The following EXT2 variants were observed in gnomAD, a reference collection of about 807,000 sequenced individuals.
EXT2 encodes exostosin-2.
EXT2 carries 53 observed loss-of-function variants against 81.6 expected under a neutral mutation model. The ratio of observed to expected loss-of-function variants is 0.65; its 90% CI spans 0.52 to 0.82. The LOEUF is 0.82. EXT2 is among the 40% of genes least tolerant of loss of function. The pLI is 0.00. For synonymous variants in EXT2, 320 were observed against 340.0 expected (o/e 0.94, Z 0.65); for missense variants, 774 against 910.2 (o/e 0.85, Z 1.93).
At position 44,198,010 on chromosome 11, in the gene EXT2, CTCCAGAAGGTAAGAAGCCT is replaced by C. The variant is rs1565231185; in HGVS notation, c.1489_1495+12del. On this transcript the variant is annotated splice_donor_variant and splice_donor_5th_base_variant and coding_sequence_variant and intron_variant, in exon 9 of 14. Transcript: ENST00000533608. LOFTEE classifies it high-confidence loss of function. ...GTCTGGAATAATCAGAATAAAAACC[CTCCAGAAGGTAAGAAGCCT>C]TAGTGCCTCTCTCAGCTGGATCAAT... 7 of 1,613,954 alleles carry C rather than the reference CTCCAGAAGGTAAGAAGCCT, an allele frequency of 4.3e-6. No individual in the cohort carries two copies. The African/African-American group carries it at 5.3e-5, about 12-fold the overall frequency.
chr11:44,102,589 A>G (rs1311600627), intron 1 of EXT2, among the ~76,000 whole-genome samples: 1 of 132,268 alleles, frequency 7.6e-6, no homozygotes, highest in Non-Finnish European at 1.5e-5. Flanking sequence ...GAGTCAAACT[A>G]TGACAGGTAG....
At chr11:44,147,177 T>G (rs1954729860) in intron 7 of EXT2, among the ~76,000 whole-genome samples, 1 of 152,238 alleles carries the variant, frequency 6.6e-6, no homozygotes, top group South Asian at 2.1e-4. Flanking sequence ...GCCAGGTTGA[T>G]GGAGTGTTAA....
chr11:44,210,183 A>T lies in EXT2; in HGVS notation c.1662+3224A>T, dbSNP rs557199149. ...AATGACAACAAAAGTCTGCACAAAT[A>T]TTTGTACGCTAACATTCAAAGCAGC... On this transcript the variant is annotated intron_variant, in intron 10 of 13. Transcript: ENST00000533608. Among the ~76,000 whole-genome samples the T allele has an allele frequency of 1.5e-3, 221 of 152,330 alleles. 7 individuals are homozygous for T. The South Asian group carries it at 0.043, about 30-fold the overall frequency.
intron 1 of EXT2, among the ~76,000 whole-genome samples, chr11:44,096,643 A>C (rs1590533687): frequency 6.6e-6 from 1 of 152,224 alleles, no homozygotes; most frequent in East Asian, 1.9e-4. Flanking sequence ...CTAGGTGGCC[A>C]GAAGCACACT....
At chr11:44,175,262 C>T (rs78994176) in intron 8 of EXT2, among the ~76,000 whole-genome samples, 1,991 of 152,188 alleles carry the variant, frequency 0.013, 48 homozygotes, top group African/African-American at 0.046. Flanking sequence ...GTATACTGTA[C>T]GGTTTATCCA....
At chr11:44,131,435 C>A (rs1954491260) in intron 7 of EXT2, among the ~76,000 whole-genome samples, 1 of 152,120 alleles carries the variant, frequency 6.6e-6, no homozygotes. Context: ...AACTCTGTAC[C>A]CTTAGGTAAG....
chr11:44,196,482 C>G (rs1673311428), intron 8 of EXT2, among the ~76,000 whole-genome samples: 2 of 152,006 alleles, frequency 1.3e-5, no homozygotes, highest in Admixed American at 1.3e-4. Flanking sequence ...GATGTTGGAC[C>G]TTCTAGATTT....
At chr11:44,099,952 C>T (rs1953958288) in intron 1 of EXT2, among the ~76,000 whole-genome samples, 1 of 152,122 alleles carries the variant, frequency 6.6e-6, no homozygotes, top group Non-Finnish European at 1.5e-5. Context: ...GTTCGCTTAG[C>T]TTGTGTCGAC....
intron 7 of EXT2, among the ~76,000 whole-genome samples, chr11:44,143,731 T>G (rs1404360724): frequency 2.0e-5 from 3 of 151,934 alleles, no homozygotes; most frequent in African/African-American, 7.3e-5. Flanking sequence ...ATAGATGGTA[T>G]TGGACCTACA....
At chr11:44,105,322 G>A (rs1468584297) in intron 1 of EXT2, among the ~76,000 whole-genome samples, 1 of 152,010 alleles carries the variant, frequency 6.6e-6, no homozygotes, top group Admixed American at 6.5e-5. Context: ...AGAAAGAGTC[G>A]TGCTCTATTG....
At chr11:44,200,885 C>A (rs1443574050) in intron 9 of EXT2, among the ~76,000 whole-genome samples, 1 of 152,136 alleles carries the variant, frequency 6.6e-6, no homozygotes, top group African/African-American at 2.4e-5. Context: ...GCTCACATTT[C>A]TCTTGGCATC....
intron 7 of EXT2, chr11:44,144,377 A>G: frequency 6.6e-7 from 1 of 1,526,692 alleles, no homozygotes; most frequent in Non-Finnish European, 9.0e-7. Flanking sequence ...AGCAGAAATG[A>G]ATCTCTAGTC....
chr11:44,205,714 ACTT>A (rs926958063), intron 9 of EXT2, among the ~76,000 whole-genome samples: 19 of 152,090 alleles, frequency 1.2e-4, no homozygotes, highest in South Asian at 4.1e-4. Flanking sequence ...CCTCTATCAT[ACTT>A]CTTCTTCAGT....
intron 1 of EXT2, 132 bp from the exon 2 acceptor site, chr11:44,107,551 T>C: frequency 1.2e-6 from 1 of 838,354 alleles, no homozygotes; most frequent in Non-Finnish European, 1.8e-6. Flanking sequence ...ACCACTGCAC[T>C]CCAGCCTGAG....
At position 44,251,761 on chromosome 11, in the gene EXT2, A is replaced by G. The variant is rs1412357101; in HGVS notation, c.*7474A>G. Among the ~76,000 whole-genome samples the G allele has an allele frequency of 6.6e-6, 1 of 152,196 alleles. No individual in the cohort carries two copies. Among genetic ancestry groups the G allele is most frequent in the African/African-American group, 2.4e-5 (1 of 41,442 alleles). ...TTCTTTTCCCTTAAAAAATAAAAAAACCTGATGTGATGGGTTCCTTCAGTC... is the reference window on the plus strand; with the variant it reads ...TTCTTTTCCCTTAAAAAATAAAAAAGCCTGATGTGATGGGTTCCTTCAGTC... On this transcript the variant is annotated 3_prime_UTR_variant, in exon 14 of 14. Coordinates refer to ENST00000533608, the MANE Select transcript of EXT2 (RefSeq NM_207122.2).
intron 13 of EXT2, among the ~76,000 whole-genome samples, chr11:44,236,645 G>T (rs1955968691): frequency 6.6e-6 from 1 of 152,192 alleles, no homozygotes; most frequent in Non-Finnish European, 1.5e-5. Flanking sequence ...TGTGGACTAA[G>T]CAGTTAACCA....
intron 13 of EXT2, among the ~76,000 whole-genome samples, chr11:44,242,298 C>T (rs77879412): frequency 0.012 from 1,818 of 152,308 alleles, 41 homozygotes; most frequent in African/African-American, 0.041. Context: ...ATCTGCCATG[C>T]TTTGACCCCA....
At chr11:44,198,135 G>GT in intron 9 of EXT2, 117 bp downstream of exon 9, 1 of 1,036,330 alleles carries the variant, frequency 9.6e-7, no homozygotes, top group East Asian at 2.6e-5. Flanking sequence ...TTCTGAGACA[G>GT]CATGCCTCCA....
At chr11:44,183,137 G>A (rs1238868157) in intron 8 of EXT2, among the ~76,000 whole-genome samples, 1 of 152,176 alleles carries the variant, frequency 6.6e-6, no homozygotes, top group East Asian at 1.9e-4. Context: ...TCATATTGGA[G>A]AACACATGAT....
Sources: allele counts gnomAD v4.1 joint callset (sites outside exome capture counted in the v4.1 genomes callset), GRCh38; gene constraint gnomAD v4.1.1; transcripts MANE v1.5; gene names NCBI Gene and HGNC (gene_info 2026-07-23, HGNC 2026-07-21).